ABCA3: variants seen among roughly 807,000 people sequenced by gnomAD.
The protein encoded by ABCA3 is ATP binding cassette subfamily A member 3, also known as phospholipid-transporting ATPase ABCA3.
Under a neutral mutation model 172.8 loss-of-function variants are expected in ABCA3, and 88 were observed. The ratio of observed to expected loss-of-function variants is 0.51; its 90% confidence interval spans 0.43 to 0.61. The LOEUF (loss-of-function observed/expected upper bound fraction) is 0.61. Among genes scored for constraint, ABCA3 ranks in the 20% least tolerant of loss-of-function variants. The pLI is 0.00. For synonymous variants in ABCA3, 1,066 were observed against 983.8 expected, an observed-to-expected ratio of 1.08 and a Z score of -1.56; for missense variants, 2,164 against 2,301.0, an observed-to-expected ratio of 0.94 and a Z score of 1.22.
chr16:2,333,132 G>A (rs1343899035), intron 1 of ABCA3, among the ~76,000 whole-genome samples: 1 of 152,198 alleles, frequency 6.6e-6, no homozygotes, highest in Non-Finnish European at 1.5e-5. Flanking sequence ...TTCAAAAGAA[G>A]TTTTTATATC....
rs538767896 is a variant in ABCA3 at position 2,292,127 on chromosome 16, C to G, written c.2513+13G>C. 6.2e-6 allele frequency: 10 copies of G among 1,604,438 alleles called. No homozygotes were observed. The African/African-American group carries it at 1.3e-4, about 21-fold the overall frequency. ...GCCCAGTCCTAGGTGGACGGAAATG[C>G]GCATTTACTGACCGAAGGAAGACTT... On this transcript the variant is annotated intron_variant, in intron 19 of 32. Transcript: ENST00000301732.
Position 2,286,674 on chromosome 16 carries a change from G to C in ABCA3, c.3278+20C>G, listed in dbSNP as rs1422267792. On this transcript the variant is annotated intron_variant, in intron 22 of 32. Transcript: ENST00000301732. The surrounding 1 kb of genome is among the most constrained non-coding windows in gnomAD (Gnocchi z 5.2). ...CTGGGGGCTCTGGCCAGGGCAGACA[G>C]GGACGGGCAGTGCACATACTCGTTA... 1.9e-6 allele frequency: 3 copies of C among 1,612,198 alleles called. No individual in the cohort carries two copies. In the African/African-American group the frequency reaches 4.0e-5, roughly 22 times the overall value.
chr16:2,331,652 G>GT (rs2141747680), intron 1 of ABCA3, among the ~76,000 whole-genome samples: 1 of 152,356 alleles, frequency 6.6e-6, no homozygotes, highest in Admixed American at 6.5e-5. Context: ...AATCTGGCAA[G>GT]TTTTTTGTTA....
At position 2,285,251 on chromosome 16, in the gene ABCA3, T is replaced by C; in HGVS notation, c.3483+191A>G. ...GGCTGCTCCGGGTGCTGCCCATGCA[T>C]GGAGGGTAAAGGCTGAGGGTGCAGG... On this transcript the variant is annotated intron_variant, in intron 23 of 32. Transcript: ENST00000301732. This position sits in a 1 kb window ranked among gnomAD's most constrained non-coding sequence, Gnocchi z 4.7. Among the ~76,000 whole-genome samples the C allele has an allele frequency of 6.6e-6, 1 of 152,124 alleles. No homozygotes were observed. The highest frequency in any genetic ancestry group is 2.4e-5 in the African/African-American group (1 of 41,442).
In ABCA3 at chr16:2,283,164, C is replaced by T. The variant is rs750241090; in HGVS notation, c.4035+22G>A. ...ACGTGGGGAGCATCTCGCCAGTGTC[C>T]TGGGCTCCCGGAGCCACTCACCAGT... On this transcript the variant is annotated intron_variant, in intron 26 of 32. Coordinates refer to ENST00000301732, the MANE Select transcript of ABCA3 (RefSeq NM_001089.3). This position sits in a 1 kb window ranked among gnomAD's most constrained non-coding sequence, Gnocchi z 5.4. 2.5e-6 allele frequency: 4 copies of T among 1,610,822 alleles called. No homozygotes were observed. Among genetic ancestry groups the T allele is most frequent in the East Asian group, 4.5e-5 (2 of 44,818 alleles).
chr16:2,304,442 C>A (rs917809651), intron 11 of ABCA3, among the ~76,000 whole-genome samples: 3 of 151,760 alleles, frequency 2.0e-5, no homozygotes, highest in African/African-American at 7.3e-5. Flanking sequence ...CGTACATATG[C>A]ACCCACATCT....
intron 11 of ABCA3, among the ~76,000 whole-genome samples, chr16:2,305,335 T>C (rs2093695910): frequency 6.6e-6 from 1 of 151,586 alleles, no homozygotes; most frequent in Non-Finnish European, 1.5e-5. Context: ...TCTCACTCTG[T>C]TGCCAGGCTG....
Position 2,319,709 on chromosome 16 carries a change from G to A in ABCA3, c.745C>T (p.Pro249Ser). Residue 249 changes from proline (P) to serine (S), a missense_variant, in exon 8 of 33, where the codon CCG becomes TCG. By Grantham distance (74) the Pro-to-Ser change is moderately conservative. Around this residue, in one of 3 missense-constraint regions of ABCA3, gnomAD observed 1,343 missense variants for 1,369.6 expected, o/e 0.98. Coordinates refer to ENST00000301732, the MANE Select transcript of ABCA3 (RefSeq NM_001089.3). ...TVTIKRFPYP[P>S]FIADPFLVAI... The stretch of plus-strand genomic sequence containing the variant: ...ACGAGGAAGGGGTCTGCGATGAACG[G>A]CGGGTACGGGAACCTCTTGATGGTC... The A allele has an allele frequency of 6.2e-7, 1 of 1,613,770 alleles. No homozygotes were observed. Among genetic ancestry groups the A allele is most frequent in the African/African-American group, 1.3e-5 (1 of 75,004 alleles).
rs758317343 is a variant in ABCA3, at chr16:2,317,746, C to A, written c.892G>T (p.Gly298Trp). 1 of 1,614,212 alleles carries A rather than the reference C, an allele frequency of 6.2e-7. No homozygotes were observed. Among genetic ancestry groups the A allele is most frequent in the Non-Finnish European group, 8.5e-7 (1 of 1,180,020 alleles). ...CTCCAGTGCAGCCAGCTGCTGAGCC[C>A]CATCATGCGCATGTACTCCTGGGGA... ...RRLKEYMRMMGLSSWLHWSAW... is the reference protein window; with the variant it reads ...RRLKEYMRMMWLSSWLHWSAW... Residue 298 changes from glycine (G) to tryptophan (W), a missense_variant, in exon 9 of 33, where the codon GGG (glycine) becomes TGG (tryptophan). Gly to Trp is a radical substitution (Grantham distance 184, BLOSUM62 -2). Coordinates refer to ENST00000301732, the MANE Select transcript of ABCA3 (RefSeq NM_001089.3).
At chr16:2,328,898 G>A (rs935910420) in intron 2 of ABCA3, 141 bp from the exon 3 acceptor site, 1 of 140,104 alleles carries the variant, frequency 7.1e-6, no homozygotes, top group African/African-American at 2.6e-5. Context: ...ACGGGGAAGG[G>A]TTTTTTTTTT....
rs776940610 is a variant in ABCA3, at chr16:2,284,236, A to AG, written c.3862+42dup. ...GCCCCTCTGCAGTGACCACGTCCTG[A>AG]GGACGCAGGGGTGCTGCCCGGGGTC... On this transcript the variant is annotated intron_variant, in intron 25 of 32. Coordinates refer to ENST00000301732, the MANE Select transcript of ABCA3 (RefSeq NM_001089.3). The surrounding 1 kb of genome is among the most constrained non-coding windows in gnomAD (Gnocchi z 5.9). The AG allele has an allele frequency of 5.0e-6, 8 of 1,596,486 alleles. No homozygotes were observed. Among genetic ancestry groups the AG allele is most frequent in the Non-Finnish European group, 6.8e-6 (8 of 1,170,240 alleles).
chr16:2,312,208 C>G (rs2093707706), intron 10 of ABCA3, among the ~76,000 whole-genome samples: 1 of 152,132 alleles, frequency 6.6e-6, no homozygotes. Context: ...TCAGAAACTA[C>G]CAGTTGTTTT....
intron 12 of ABCA3, 148 bp downstream of exon 12, chr16:2,303,821 G>T: frequency 1.1e-6 from 1 of 880,440 alleles, no homozygotes; most frequent in Non-Finnish European, 1.8e-6. Context: ...CGGGGGACAC[G>T]CCACTCCCTG....
rs1474158282 is a variant in ABCA3, at chr16:2,295,647, A to G, written c.2357T>C (p.Leu786Pro). 9 of 1,613,908 alleles carry G rather than the reference A, an allele frequency of 5.6e-6. No homozygotes were observed. The highest frequency in any genetic ancestry group is 7.6e-6 in the Non-Finnish European group (9 of 1,180,046). ...CAGCTCGGCCCCAGCGCTGCTCTCC[A>G]GCGTGGCGTTGGGCACGTGGTGGTG... ...LVHHHVPNATLESSAGAELSF... is the reference protein window; with the variant it reads ...LVHHHVPNATPESSAGAELSF... The change falls in exon 18 of 33, where the codon CTG becomes CCG. Residue 786 changes from leucine (L) to proline (P), a missense_variant. Leu to Pro is a moderately conservative substitution (Grantham distance 98, BLOSUM62 -3). This residue lies in a region of ABCA3 where 1,343 missense variants were observed against 1,369.6 expected (regional missense o/e 0.98). Coordinates refer to ENST00000301732, the MANE Select transcript of ABCA3 (RefSeq NM_001089.3).
At chr16:2,315,571 A>G (rs2093713921) in intron 10 of ABCA3, among the ~76,000 whole-genome samples, 1 of 97,206 alleles carries the variant, frequency 1.0e-5, no homozygotes, top group African/African-American at 3.7e-5. Flanking sequence ...AACACAGAGA[A>G]GAGTGACTCT....
rs148609122 is a variant in ABCA3 at position 2,333,932 on chromosome 16, C to T, written c.-538-4078G>A. Among the ~76,000 whole-genome samples, 1,363 of 152,170 alleles carry T rather than the reference C, an allele frequency of 9.0e-3. 10 individuals are homozygous for T. Among genetic ancestry groups the T allele is most frequent in the Non-Finnish European group, 0.015 (1,005 of 68,008 alleles). The stretch of plus-strand genomic sequence containing the variant: ...CTCAAACTCTTGACCTTGTGATCCA[C>T]CCGCCTCAGCCTCCCAAAGTGCATG... On this transcript the variant is annotated intron_variant, in intron 1 of 32. Coordinates refer to ENST00000301732, the MANE Select transcript of ABCA3 (RefSeq NM_001089.3).
rs191951161 is a variant in ABCA3, at chr16:2,335,413, G to A, written c.-539+5160C>T. On this transcript the variant is annotated intron_variant, in intron 1 of 32. Transcript: ENST00000301732. The stretch of plus-strand genomic sequence containing the variant: ...TCCTGCCTCAGCCTCCTAAGTAGCT[G>A]GGACTACAGGCATGTACCACCACAC... 9.2e-5 allele frequency among the ~76,000 whole-genome samples: 14 copies of A among 152,104 alleles called. No individual in the cohort carries two copies. In the East Asian group the frequency reaches 2.5e-3, roughly 27 times the overall value.
chr16:2,283,740 T>C lies in ABCA3; in HGVS notation c.3863-382A>G. The C allele has an allele frequency of 3.5e-6, 1 of 283,306 alleles. No homozygotes were observed. The highest frequency in any genetic ancestry group is 6.8e-6 in the Non-Finnish European group (1 of 147,616). 17.5% of individuals were successfully genotyped at this position (283,306 alleles called of 1,614,324 possible). A position where few individuals can be genotyped will look rare whatever the true frequency, so the allele number is the denominator to read the frequency against. On this transcript the variant is annotated intron_variant, in intron 25 of 32. Coordinates refer to ENST00000301732, the MANE Select transcript of ABCA3 (RefSeq NM_001089.3). The surrounding 1 kb of genome is among the most constrained non-coding windows in gnomAD (Gnocchi z 5.4). Reference sequence around the variant, plus strand: ...GGTCCAAGTTCTGTCCCCCTGGACCTGGGGTTGTGATCTTGCTTAGAAACA... The same window carrying C: ...GGTCCAAGTTCTGTCCCCCTGGACCCGGGGTTGTGATCTTGCTTAGAAACA...
At chr16:2,303,402 C>T (rs1246575859) in intron 12 of ABCA3, among the ~76,000 whole-genome samples, 3 of 151,872 alleles carry the variant, frequency 2.0e-5, no homozygotes, top group African/African-American at 7.3e-5. Context: ...GCTGGGACTA[C>T]AGGCACCCGC....
Sources: allele counts gnomAD v4.1 joint callset (sites outside exome capture counted in the v4.1 genomes callset), GRCh38; gene constraint gnomAD v4.1.1; regional missense constraint gnomAD v4.1.1; non-coding constraint Gnocchi (gnomAD v3.1); transcripts MANE v1.5; gene names NCBI Gene and HGNC (gene_info 2026-07-23, HGNC 2026-07-21).